Variants in SLC25A21 observed in about 807,000 individuals in gnomAD.
SLC25A21 encodes solute carrier family 25 member 21, also known as mitochondrial 2-oxodicarboxylate carrier.
Under a neutral mutation model 43.8 loss-of-function variants are expected in SLC25A21, and 47 were observed. That is an observed-to-expected ratio of 1.07 (90% CI 0.85 to 1.37). The LOEUF is 1.37. Among genes scored for constraint, SLC25A21 ranks in the 40% most tolerant of loss-of-function variants. The probability of loss-of-function intolerance (pLI) is 0.00; values close to 1 mark genes in which losing one functional copy is unlikely to be tolerated. For synonymous variants in SLC25A21, 131 were observed against 121.3 expected (o/e 1.08, Z -0.52); for missense variants, 352 against 350.2 (o/e 1.00, Z -0.04).
intron 1 of SLC25A21, among the ~76,000 whole-genome samples, chr14:37,001,116 A>G (rs148508263): frequency 5.3e-5 from 8 of 152,204 alleles, no homozygotes; most frequent in Non-Finnish European, 8.8e-5. Flanking sequence ...TTATATGCCT[A>G]TTTAATATCT....
chr14:37,164,340 T>C (rs145063176), intron 1 of SLC25A21, among the ~76,000 whole-genome samples: 1 of 152,198 alleles, frequency 6.6e-6, no homozygotes, highest in Non-Finnish European at 1.5e-5. Flanking sequence ...TCCTATGTGC[T>C]TGAAATAAGG....
At chr14:36,894,899 C>A (rs1891191859) in intron 1 of SLC25A21, among the ~76,000 whole-genome samples, 2 of 152,154 alleles carry the variant, frequency 1.3e-5, no homozygotes, top group African/African-American at 4.8e-5. Context: ...CCCACTTGAT[C>A]ACGGTGGATA....
chr14:36,817,500 T>C (rs933458127), intron 2 of SLC25A21, among the ~76,000 whole-genome samples: 1 of 152,062 alleles, frequency 6.6e-6, no homozygotes, highest in Admixed American at 6.6e-5. Flanking sequence ...TTTGGGAAAA[T>C]GTTACAGTAC....
At chr14:37,066,826 G>C (rs1256388033) in intron 1 of SLC25A21, among the ~76,000 whole-genome samples, 1 of 152,080 alleles carries the variant, frequency 6.6e-6, no homozygotes, top group African/African-American at 2.4e-5. Context: ...AGATGTACCT[G>C]AATAATAAGT....
At chr14:37,086,494 A>G (rs1384497593) in intron 1 of SLC25A21, among the ~76,000 whole-genome samples, 1 of 152,200 alleles carries the variant, frequency 6.6e-6, no homozygotes, top group Non-Finnish European at 1.5e-5. Flanking sequence ...CTTCTGAATA[A>G]TAAATGCAGT....
intron 1 of SLC25A21, among the ~76,000 whole-genome samples, chr14:36,985,712 T>C (rs1478240093): frequency 6.6e-6 from 1 of 152,180 alleles, no homozygotes; most frequent in Non-Finnish European, 1.5e-5. Flanking sequence ...GCTATAATGG[T>C]TGTCGTAATT....
chr14:36,960,432 G>A (rs1037095242), intron 1 of SLC25A21, among the ~76,000 whole-genome samples: 1 of 152,040 alleles, frequency 6.6e-6, no homozygotes, highest in African/African-American at 2.4e-5. Flanking sequence ...GTAAGTAAGA[G>A]ATAATACTAG....
At chr14:36,840,626 T>C (rs1370305039) in intron 2 of SLC25A21, among the ~76,000 whole-genome samples, 1 of 152,222 alleles carries the variant, frequency 6.6e-6, no homozygotes, top group African/African-American at 2.4e-5. Context: ...CTTGATAACA[T>C]CGATTTCCTT....
rs927457144 is a variant in SLC25A21, at chr14:37,043,956, T to G, written c.70+128325A>C. On this transcript the variant is annotated intron_variant, in intron 1 of 9. Coordinates refer to ENST00000331299, the MANE Select transcript of SLC25A21 (RefSeq NM_030631.4). ...TGTTTTTTTGTTTTTTTTTTTTTTT[T>G]TGGTGGAGACATGGTCTTTTTATTA... 6.5e-4 allele frequency among the ~76,000 whole-genome samples: 98 copies of G among 151,214 alleles called. 1 individual carries two copies. The highest frequency in any genetic ancestry group is 1.1e-3 in the Non-Finnish European group (77 of 67,796).
intron 1 of SLC25A21, among the ~76,000 whole-genome samples, chr14:37,062,621 T>C (rs1003863241): frequency 6.6e-6 from 1 of 152,154 alleles, no homozygotes; most frequent in Non-Finnish European, 1.5e-5. Flanking sequence ...TACACTTCAG[T>C]GTATAACCAG....
intron 1 of SLC25A21, among the ~76,000 whole-genome samples, chr14:37,042,545 G>A (rs899983470): frequency 6.6e-6 from 1 of 152,104 alleles, no homozygotes; most frequent in Non-Finnish European, 1.5e-5. Flanking sequence ...ATACTCTTTA[G>A]ATATAACTTG....
At chr14:36,959,964 T>A (rs1006467409) in intron 1 of SLC25A21, among the ~76,000 whole-genome samples, 2 of 152,210 alleles carry the variant, frequency 1.3e-5, no homozygotes, top group African/African-American at 4.8e-5. Context: ...TGTCTGCCTG[T>A]TAGATCCCCC....
At chr14:37,022,209 T>C (rs1188550920) in intron 1 of SLC25A21, among the ~76,000 whole-genome samples, 2 of 151,960 alleles carry the variant, frequency 1.3e-5, no homozygotes, top group African/African-American at 4.8e-5. Context: ...CATAACTAAT[T>C]ACATAAAAAA....
In SLC25A21 at chr14:36,772,235, GC is replaced by G. The variant is rs1886646335; in HGVS notation, c.204-37663del. ...CAGCCATATTTCAAGTGTAGCAGAAGCAAAACAAGGGAAAATTTTAAATTTA... is the reference window on the plus strand; with the variant it reads ...CAGCCATATTTCAAGTGTAGCAGAAGAAAACAAGGGAAAATTTTAAATTTA... On this transcript the variant is annotated intron_variant, in intron 3 of 9. Transcript: ENST00000331299. Among the ~76,000 whole-genome samples the G allele has an allele frequency of 2.0e-5, 3 of 152,212 alleles. No homozygotes were observed. In the South Asian group the frequency reaches 6.2e-4, roughly 32 times the overall value.
chr14:36,734,416 A>ATT, intron 4 of SLC25A21, 91 bp downstream of exon 4: 1 of 904,598 alleles, frequency 1.1e-6, no homozygotes, highest in Non-Finnish European at 1.6e-6. Context: ...AGTGCTTTAT[A>ATT]TATAATTCAT....
intron 1 of SLC25A21, among the ~76,000 whole-genome samples, chr14:37,022,776 T>G (rs1322559355): frequency 6.6e-6 from 1 of 152,032 alleles, no homozygotes; most frequent in East Asian, 1.9e-4. Context: ...TATGCCCAAA[T>G]GTCCTGAAAA....
intron 1 of SLC25A21, among the ~76,000 whole-genome samples, chr14:36,991,743 A>G (rs892609784): frequency 6.6e-6 from 1 of 152,182 alleles, no homozygotes; most frequent in Admixed American, 6.5e-5. Context: ...CAATACAGGG[A>G]AATTAACAGT....
At chr14:37,167,346 C>T (rs535698820) in intron 1 of SLC25A21, among the ~76,000 whole-genome samples, 13 of 152,164 alleles carry the variant, frequency 8.5e-5, no homozygotes, top group East Asian at 3.9e-4. Flanking sequence ...CTTCCAAAAA[C>T]GCAGATTCCG....
chr14:37,004,126 T>C (rs1447170267), intron 1 of SLC25A21, among the ~76,000 whole-genome samples: 1 of 152,196 alleles, frequency 6.6e-6, no homozygotes, highest in African/African-American at 2.4e-5. Context: ...ATTAGCTCAT[T>C]GGTGCCACAT....
Sources: gnomAD v4.1 joint callset for allele counts (sites outside exome capture counted in the v4.1 genomes callset) on GRCh38, gnomAD v4.1.1 for gene constraint, MANE v1.5 for transcripts, NCBI Gene and HGNC (gene_info 2026-07-23, HGNC 2026-07-21) for gene names.